Variants in EIF3H observed in about 807,000 individuals in gnomAD.
EIF3H encodes eIF-3-gamma.
Under a neutral mutation model 44.2 loss-of-function variants are expected in EIF3H, and 26 were observed. That is an observed-to-expected ratio of 0.59 (90% confidence interval 0.43 to 0.82). The LOEUF is 0.82. Ranked by LOEUF, EIF3H falls within the 40% of genes least tolerant of loss-of-function variation. The pLI is 0.00. For missense variants in EIF3H, 359 were observed against 432.8 expected (o/e 0.83, Z 1.51); for synonymous variants, 166 against 151.9 (o/e 1.09, Z -0.68).
chr8:116,751,032 G>A (rs1439474498), intron 1 of EIF3H, among the ~76,000 whole-genome samples: 1 of 151,362 alleles, frequency 6.6e-6, no homozygotes, highest in Non-Finnish European at 1.5e-5. Context: ...CTAAAACGGT[G>A]AAACCCCGTC....
intron 2 of EIF3H, among the ~76,000 whole-genome samples, chr8:116,661,504 G>A (rs971043371): frequency 2.0e-5 from 3 of 152,204 alleles, no homozygotes; most frequent in Admixed American, 1.3e-4. Flanking sequence ...ATTCTTCTTT[G>A]ATATTTAATT....
At chr8:116,667,035 C>T (rs1421206268) in intron 2 of EIF3H, among the ~76,000 whole-genome samples, 1 of 152,176 alleles carries the variant, frequency 6.6e-6, no homozygotes, top group Non-Finnish European at 1.5e-5. Flanking sequence ...TTAAACCATA[C>T]AAGGTGATAA....
At chr8:116,667,145 T>C (rs1367869532) in intron 2 of EIF3H, among the ~76,000 whole-genome samples, 1 of 152,188 alleles carries the variant, frequency 6.6e-6, no homozygotes, top group Non-Finnish European at 1.5e-5. Flanking sequence ...ATGGATATTC[T>C]GATTAAAACA....
intron 2 of EIF3H, among the ~76,000 whole-genome samples, chr8:116,676,954 A>T (rs1258046030): frequency 2.6e-5 from 2 of 77,666 alleles, no homozygotes; most frequent in African/African-American, 1.6e-4. Context: ...CTTTAAAATA[A>T]AAAAAAAAAA....
intron 2 of EIF3H, among the ~76,000 whole-genome samples, chr8:116,720,692 T>C (rs1814728644): frequency 6.6e-6 from 1 of 152,184 alleles, no homozygotes; most frequent in Non-Finnish European, 1.5e-5. Flanking sequence ...TGAATGGTTT[T>C]GACCAAAATG....
intron 2 of EIF3H, among the ~76,000 whole-genome samples, chr8:116,667,375 T>G (rs905440724): frequency 2.6e-5 from 4 of 152,074 alleles, no homozygotes; most frequent in African/African-American, 9.7e-5. Flanking sequence ...TTGATTTGCC[T>G]TTCCTATAAA....
At chr8:116,748,925 T>G (rs1383537421) in intron 1 of EIF3H, among the ~76,000 whole-genome samples, 2 of 152,234 alleles carry the variant, frequency 1.3e-5, no homozygotes, top group African/African-American at 4.8e-5. Context: ...TATTTTTAGT[T>G]GTTTTTTTCC....
At chr8:116,649,930 T>A (rs1289282567) in intron 5 of EIF3H, among the ~76,000 whole-genome samples, 1 of 152,082 alleles carries the variant, frequency 6.6e-6, no homozygotes, top group African/African-American at 2.4e-5. Flanking sequence ...AAAATACAAG[T>A]ACTGAATGCC....
intron 2 of EIF3H, among the ~76,000 whole-genome samples, chr8:116,681,689 A>G (rs1813992247): frequency 6.7e-6 from 1 of 148,950 alleles, no homozygotes; most frequent in African/African-American, 2.5e-5. Flanking sequence ...AAAAAAATCT[A>G]AAATTTTAAA....
chr8:116,659,587 T>C (rs1267363382), intron 2 of EIF3H, among the ~76,000 whole-genome samples: 1 of 152,214 alleles, frequency 6.6e-6, no homozygotes, highest in Non-Finnish European at 1.5e-5. Context: ...TTTTCTTGTC[T>C]GTGTGTTCCT....
At position 116,671,462 on chromosome 8, in the gene EIF3H, A is replaced by G. The variant is rs75975055; in HGVS notation, c.290-12482T>C. Among the ~76,000 whole-genome samples, 330 of 152,340 alleles carry G rather than the reference A, an allele frequency of 2.2e-3. 1 individual carries two copies. In the Middle Eastern group the frequency reaches 0.075, roughly 35 times the overall value. ...AGAATATACATCTTTTCCTTGCAGA[A>G]AAGATTATGAGGCTCAGTTAGACCA... On this transcript the variant is annotated intron_variant, in intron 2 of 7. Transcript: ENST00000521861.
intron 1 of EIF3H, among the ~76,000 whole-genome samples, chr8:116,753,316 A>G (rs895800907): frequency 6.6e-6 from 1 of 152,180 alleles, no homozygotes; most frequent in African/African-American, 2.4e-5. Context: ...TTCGTCAAGA[A>G]TCTGGATATA....
At chr8:116,745,900 G>A (rs566023060) in intron 1 of EIF3H, among the ~76,000 whole-genome samples, 15 of 151,256 alleles carry the variant, frequency 9.9e-5, no homozygotes, top group South Asian at 8.3e-4. Context: ...CAGCCCGGTC[G>A]ACAGAGCAAG....
chr8:116,728,800 C>G (rs1055771335), intron 1 of EIF3H, among the ~76,000 whole-genome samples: 1 of 152,272 alleles, frequency 6.6e-6, no homozygotes, highest in South Asian at 2.1e-4. Flanking sequence ...CTTGAGAAAG[C>G]TATTTAATCT....
chr8:116,746,407 G>A (rs2130976343), intron 1 of EIF3H, among the ~76,000 whole-genome samples: 1 of 152,298 alleles, frequency 6.6e-6, no homozygotes, highest in South Asian at 2.1e-4. Flanking sequence ...CTATATCAAA[G>A]AGTTGTTGTA....
chr8:116,710,875 G>A (rs1461344412), intron 2 of EIF3H, among the ~76,000 whole-genome samples: 1 of 152,168 alleles, frequency 6.6e-6, no homozygotes, highest in African/African-American at 2.4e-5. Flanking sequence ...AACATGAAAA[G>A]TAAGGCTGTA....
At chr8:116,737,166 A>C (rs2130950107) in intron 1 of EIF3H, 2 of 387,154 alleles carry the variant, frequency 5.2e-6, no homozygotes, top group South Asian at 3.8e-5. Context: ...CATACTTCTC[A>C]AAGTGTGCAA....
intron 2 of EIF3H, among the ~76,000 whole-genome samples, chr8:116,702,376 A>T (rs1814392602): frequency 6.6e-6 from 1 of 152,188 alleles, no homozygotes; most frequent in Non-Finnish European, 1.5e-5. Flanking sequence ...TATCATATCA[A>T]CCTAGGGCTG....
At chr8:116,708,995 TAA>T (rs780141631) in intron 2 of EIF3H, among the ~76,000 whole-genome samples, 1 of 140,926 alleles carries the variant, frequency 7.1e-6, no homozygotes, top group Non-Finnish European at 1.5e-5. Context: ...GGCCTTTCTT[TAA>T]AAAAAAAAAA....
Sources: gnomAD v4.1 joint callset for allele counts (sites outside exome capture counted in the v4.1 genomes callset) on GRCh38, gnomAD v4.1.1 for gene constraint, MANE v1.5 for transcripts, NCBI Gene and HGNC (gene_info 2026-07-23, HGNC 2026-07-21) for gene names.